The following CHST9 variants were observed in gnomAD, a reference collection of about 807,000 sequenced individuals.
CHST9 encodes the protein GalNAc-4-sulfotransferase 2.
CHST9 carries 41 observed loss-of-function variants against 44.4 expected under a neutral mutation model. The ratio of observed to expected loss-of-function variants is 0.92; its 90% CI spans 0.72 to 1.20. The LOEUF is 1.20. Among genes scored for constraint, CHST9 ranks in the 50% most tolerant of loss-of-function variants. The pLI is 0.00. For missense variants in CHST9, 504 were observed against 516.5 expected (o/e 0.98, Z 0.23); for synonymous variants, 171 against 178.4 (o/e 0.96, Z 0.33).
intron 4 of CHST9, among the ~76,000 whole-genome samples, chr18:26,973,393 C>A (rs1049804197): frequency 6.6e-6 from 1 of 152,144 alleles, no homozygotes; most frequent in Admixed American, 6.5e-5. Flanking sequence ...GATGAGAAGG[C>A]ATCAAGGAGG....
chr18:27,108,698 T>G (rs1483566838), intron 2 of CHST9, among the ~76,000 whole-genome samples: 1 of 152,182 alleles, frequency 6.6e-6, no homozygotes, highest in Non-Finnish European at 1.5e-5. Context: ...GAAGGAATCA[T>G]GGAGATGTAA....
At chr18:27,112,408 C>T (rs1333870903) in intron 2 of CHST9, among the ~76,000 whole-genome samples, 1 of 151,638 alleles carries the variant, frequency 6.6e-6, no homozygotes, top group African/African-American at 2.4e-5. Flanking sequence ...CTTATAAACA[C>T]ACCTTGAGGG....
chr18:27,131,997 C>A (rs1474921859), intron 2 of CHST9, among the ~76,000 whole-genome samples: 1 of 152,130 alleles, frequency 6.6e-6, no homozygotes, highest in African/African-American at 2.4e-5. Flanking sequence ...TATGTCTTTG[C>A]CTGTAATGCC....
At chr18:26,945,528 T>A (rs1241710321) in intron 4 of CHST9, among the ~76,000 whole-genome samples, 1 of 152,220 alleles carries the variant, frequency 6.6e-6, no homozygotes, top group Non-Finnish European at 1.5e-5. Context: ...ATAGAGCCTT[T>A]AAGGATTGGC....
chr18:27,036,601 C>G (rs2057392640), intron 3 of CHST9, among the ~76,000 whole-genome samples: 1 of 152,084 alleles, frequency 6.6e-6, no homozygotes, highest in Non-Finnish European at 1.5e-5. Context: ...CAGGCAAAGC[C>G]AAGCAACATC....
chr18:27,058,177 C>G (rs1369543578), intron 2 of CHST9, among the ~76,000 whole-genome samples: 1 of 152,178 alleles, frequency 6.6e-6, no homozygotes, highest in Non-Finnish European at 1.5e-5. Flanking sequence ...TAAGCTGCAG[C>G]TACTGACTAA....
At chr18:26,963,069 G>T (rs1407531862) in intron 4 of CHST9, among the ~76,000 whole-genome samples, 1 of 152,086 alleles carries the variant, frequency 6.6e-6, no homozygotes, top group Non-Finnish European at 1.5e-5. Context: ...TTAGTCATTC[G>T]TTCAGAAAAT....
At chr18:27,183,517 C>T (rs1199538409) in intron 1 of CHST9, among the ~76,000 whole-genome samples, 2 of 152,074 alleles carry the variant, frequency 1.3e-5, no homozygotes, top group East Asian at 1.9e-4. Context: ...GAGGACGGTA[C>T]TGTAATGAAG....
chr18:26,940,818 C>A (rs1001260761), intron 5 of CHST9, among the ~76,000 whole-genome samples: 1 of 152,120 alleles, frequency 6.6e-6, no homozygotes, highest in African/African-American at 2.4e-5. Context: ...AGGGTCTTTG[C>A]AACTGCAATT....
intron 5 of CHST9, among the ~76,000 whole-genome samples, chr18:26,923,381 A>T (rs1408873482): frequency 6.6e-6 from 1 of 152,236 alleles, no homozygotes; most frequent in African/African-American, 2.4e-5. Context: ...ATTTCATTAA[A>T]TGTCAGTGTG....
chr18:26,934,864 C>T (rs982131609), intron 5 of CHST9: 6 of 152,154 alleles, frequency 3.9e-5, no homozygotes, highest in African/African-American at 1.2e-4. Context: ...TTTCAAACTC[C>T]CATATGATCC....
chr18:27,080,457 T>C (rs2057949062), intron 2 of CHST9, among the ~76,000 whole-genome samples: 1 of 152,040 alleles, frequency 6.6e-6, no homozygotes, highest in Non-Finnish European at 1.5e-5. Context: ...ATAGCTTATG[T>C]ATATCTCTCA....
intron 1 of CHST9, among the ~76,000 whole-genome samples, chr18:27,166,351 C>G (rs2058790252): frequency 1.3e-5 from 2 of 152,176 alleles, no homozygotes; most frequent in African/African-American, 4.8e-5. Context: ...TCATTCATAC[C>G]TGTCCCTCAA....
At chr18:27,000,619 T>C (rs1286454746) in intron 4 of CHST9, among the ~76,000 whole-genome samples, 1 of 134,130 alleles carries the variant, frequency 7.5e-6, no homozygotes, top group Non-Finnish European at 1.6e-5. Flanking sequence ...ATTTATTTGT[T>C]TTGTCTATCT....
At chr18:27,050,756 T>C (rs1329979270) in intron 2 of CHST9, among the ~76,000 whole-genome samples, 1 of 152,178 alleles carries the variant, frequency 6.6e-6, no homozygotes, top group African/African-American at 2.4e-5. Context: ...CTCATTTAAG[T>C]TTTCCACTGG....
chr18:27,046,434 C>T (rs1015296742), intron 3 of CHST9, among the ~76,000 whole-genome samples: 1 of 151,814 alleles, frequency 6.6e-6, no homozygotes, highest in East Asian at 1.9e-4. Context: ...GGTCCAGAAC[C>T]TAATATTGGT....
chr18:27,121,359 A>G (rs1407241347), intron 2 of CHST9, among the ~76,000 whole-genome samples: 1 of 152,020 alleles, frequency 6.6e-6, no homozygotes, highest in African/African-American at 2.4e-5. Context: ...CCACATGCCT[A>G]TTTTGGAGTA....
intron 4 of CHST9, among the ~76,000 whole-genome samples, chr18:26,976,460 G>A (rs541887772): frequency 1.3e-5 from 2 of 152,200 alleles, no homozygotes; most frequent in South Asian, 2.1e-4. Context: ...TCAGGTCTCC[G>A]GACACTCAGT....
intron 5 of CHST9, chr18:26,924,593 T>C (rs2055728555): frequency 2.1e-6 from 2 of 958,240 alleles, no homozygotes; most frequent in East Asian, 2.3e-4. Flanking sequence ...AGTGCAGTTA[T>C]ATTTCTTCAC....
Sources: allele counts gnomAD v4.1 joint callset (sites outside exome capture counted in the v4.1 genomes callset), GRCh38; gene constraint gnomAD v4.1.1; transcripts MANE v1.5; gene names NCBI Gene and HGNC (gene_info 2026-07-23, HGNC 2026-07-21).